Variants in SYNRG observed in about 807,000 individuals in gnomAD.
The protein encoded by SYNRG is AP1 gamma subunit binding protein 1.
In SYNRG, 37 loss-of-function variants were observed where a neutral mutation model predicts 130.9. The ratio of observed to expected loss-of-function variants is 0.28; its 90% CI spans 0.22 to 0.37. The LOEUF is 0.37. Ranked by LOEUF, SYNRG falls within the 10% of genes least tolerant of loss-of-function variation. The pLI is 1.00. For missense variants in SYNRG, 1,338 were observed against 1,588.9 expected (o/e 0.84, Z 2.68); for synonymous variants, 539 against 568.1 (o/e 0.95, Z 0.73).
chr17:37,574,448 A>G (rs2060654695), intron 8 of SYNRG, among the ~76,000 whole-genome samples: 1 of 152,186 alleles, frequency 6.6e-6, no homozygotes, highest in South Asian at 2.1e-4. Context: ...CAAAGGAAAC[A>G]ATCAACAAAA....
chr17:37,609,241 G>C (rs904962176), intron 1 of SYNRG, 38 bp downstream of exon 1: 9 of 1,397,218 alleles, frequency 6.4e-6, no homozygotes, highest in Non-Finnish European at 6.5e-6. Flanking sequence ...CCGCCCCCGC[G>C]GAGGCCAGCG....
chr17:37,599,184 T>A (rs894456661), intron 2 of SYNRG, among the ~76,000 whole-genome samples: 8 of 152,178 alleles, frequency 5.3e-5, no homozygotes, highest in Non-Finnish European at 8.8e-5. Context: ...GAGCCAGTTT[T>A]CAGAAGCAGC....
intron 3 of SYNRG, among the ~76,000 whole-genome samples, chr17:37,590,830 G>T (rs1008134712): frequency 6.6e-6 from 1 of 152,078 alleles, no homozygotes; most frequent in African/African-American, 2.4e-5. Flanking sequence ...TGAGGCAGGA[G>T]AATTGCTTGA....
rs2061079019 is a variant in SYNRG, at chr17:37,579,067, T to C, written c.590-1454A>G. On this transcript the variant is annotated intron_variant, in intron 6 of 21. Transcript: ENST00000612223. ...CAACATCACTGGATTATTCTACTTA[T>C]ATAACAGAAATAAGTTATCCCAGGA... is the stretch of plus-strand genomic sequence containing the variant. 2.1e-5 allele frequency: 22 copies of C among 1,057,882 alleles called. No individual in the cohort carries two copies. In the South Asian group the frequency reaches 3.5e-4, roughly 17 times the overall value. The allele number at this position is 1,057,882 out of a possible 1,614,324, so 65.5% of individuals were successfully genotyped here. A position where few individuals can be genotyped will look rare whatever the true frequency, so the allele number is the denominator to read the frequency against.
At chr17:37,586,634 C>T (rs2061712465) in intron 3 of SYNRG, 85 bp from the exon 4 acceptor site, 33 of 1,440,850 alleles carry the variant, frequency 2.3e-5, no homozygotes, top group Non-Finnish European at 2.9e-5. Context: ...TAAATTCTAT[C>T]TTAATACTCT....
chr17:37,538,050 G>A (rs2057379160), intron 18 of SYNRG, among the ~76,000 whole-genome samples: 2 of 152,220 alleles, frequency 1.3e-5, no homozygotes, highest in Non-Finnish European at 2.9e-5. Context: ...TAGTGCATCG[G>A]TAGTTCAGAT....
intron 8 of SYNRG, 59 bp from the exon 9 acceptor site, chr17:37,572,046 G>A: frequency 7.0e-7 from 1 of 1,434,700 alleles, no homozygotes. Context: ...TTATTTTTTG[G>A]GATGCCATTG....
At chr17:37,557,199 T>C (rs1425663723) in intron 13 of SYNRG, 1 of 152,222 alleles carries the variant, frequency 6.6e-6, no homozygotes, top group Non-Finnish European at 1.5e-5. Flanking sequence ...GGGACCACTT[T>C]TTTGCTAAAA....
Position 37,539,372 on chromosome 17 carries a change from A to ATGTTTT in SYNRG, c.3367-133_3367-128dup, listed in dbSNP as rs201646236. On this transcript the variant is annotated intron_variant, in intron 16 of 21. Coordinates refer to ENST00000612223, the MANE Select transcript of SYNRG (RefSeq NM_007247.6). The stretch of plus-strand genomic sequence containing the variant: ...ACGATCACTCTAGTTCAAGCAGTTT[A>ATGTTTT]TGTTTTTTTTGTTTTTGTTTTTGTT... 2.2e-3 allele frequency: 2,315 copies of ATGTTTT among 1,039,140 alleles called. 43 individuals carry two copies. In the African/African-American group the frequency reaches 0.032, roughly 15 times the overall value. 64.4% of individuals were successfully genotyped at this position (1,039,140 alleles called of 1,614,324 possible).
intron 13 of SYNRG, among the ~76,000 whole-genome samples, chr17:37,555,734 T>C (rs914993118): frequency 6.6e-6 from 1 of 152,038 alleles, no homozygotes; most frequent in Non-Finnish European, 1.5e-5. Context: ...AGAAATCCCA[T>C]CTCTACTTAA....
At chr17:37,605,676 A>G in intron 1 of SYNRG, 1 of 249,772 alleles carries the variant, frequency 4.0e-6, no homozygotes, top group Non-Finnish European at 6.4e-6. Context: ...AAGATTGGTT[A>G]GATAAGCAGT....
intron 14 of SYNRG, among the ~76,000 whole-genome samples, chr17:37,547,622 C>T (rs2058385776): frequency 6.6e-6 from 1 of 152,174 alleles, no homozygotes; most frequent in African/African-American, 2.4e-5. Flanking sequence ...GCCACCACAC[C>T]TGGCTAATTT....
chr17:37,576,532 C>A, intron 7 of SYNRG, 114 bp from the exon 8 acceptor site: 1 of 879,908 alleles, frequency 1.1e-6, no homozygotes, highest in Non-Finnish European at 1.7e-6. Flanking sequence ...AAAAAGTCAC[C>A]AATACAATTA....
intron 19 of SYNRG, among the ~76,000 whole-genome samples, chr17:37,526,132 C>CA (rs35666882): frequency 3.6e-3 from 479 of 132,802 alleles, no homozygotes; most frequent in Middle Eastern, 7.5e-3. Context: ...GATGCCATCT[C>CA]AAAAAAAAAA....
intron 11 of SYNRG, among the ~76,000 whole-genome samples, chr17:37,563,795 C>T (rs2145748230): frequency 6.6e-6 from 1 of 151,548 alleles, no homozygotes; most frequent in Non-Finnish European, 1.5e-5. Flanking sequence ...CTTGGCCTCC[C>T]AAAGTGCTAG....
chr17:37,525,585 C>T (rs1422643782), intron 19 of SYNRG, among the ~76,000 whole-genome samples: 2 of 152,222 alleles, frequency 1.3e-5, no homozygotes, highest in Admixed American at 1.3e-4. Flanking sequence ...GTAACCCCAG[C>T]ACTTTGGGAG....
At chr17:37,525,856 T>C (rs759626768) in intron 19 of SYNRG, among the ~76,000 whole-genome samples, 13 of 152,236 alleles carry the variant, frequency 8.5e-5, no homozygotes, top group South Asian at 6.2e-4. Context: ...ATCCCAGCTA[T>C]TCAGGAGGCT....
intron 19 of SYNRG, among the ~76,000 whole-genome samples, chr17:37,528,974 T>C (rs1481790124): frequency 6.6e-6 from 1 of 152,254 alleles, no homozygotes; most frequent in African/African-American, 2.4e-5. Context: ...ATTAGAGAAA[T>C]GAATACTCTG....
chr17:37,520,682 C>T (rs1267093986), intron 19 of SYNRG, 34 bp from the exon 20 acceptor site: 1 of 1,558,070 alleles, frequency 6.4e-7, no homozygotes, highest in Admixed American at 1.7e-5. Context: ...GGTAAGAAGT[C>T]CACAAGTCCA....
Sources: gnomAD v4.1 joint callset for allele counts (sites outside exome capture counted in the v4.1 genomes callset) on GRCh38, gnomAD v4.1.1 for gene constraint, MANE v1.5 for transcripts, NCBI Gene and HGNC (gene_info 2026-07-23, HGNC 2026-07-21) for gene names.